The following MTSS1 variants were observed in gnomAD, a reference collection of about 807,000 sequenced individuals.
The protein encoded by MTSS1 is protein MTSS 1.
In MTSS1, 18 loss-of-function variants were observed where a neutral mutation model predicts 79.0. The ratio of observed to expected loss-of-function variants is 0.23; its 90% CI spans 0.16 to 0.34. The LOEUF (loss-of-function observed/expected upper bound fraction) is 0.34, where lower values mean the gene tolerates loss of function less well. MTSS1 is among the 10% of genes least tolerant of loss of function. The probability of loss-of-function intolerance (pLI) is 1.00; values close to 1 mark genes in which losing one functional copy is unlikely to be tolerated. For synonymous variants in MTSS1, 341 were observed against 368.6 expected (o/e 0.93, Z 0.86); for missense variants, 815 against 986.2 (o/e 0.83, Z 2.33).
At chr8:124,698,564 T>A (rs908067865) in intron 3 of MTSS1, among the ~76,000 whole-genome samples, 1 of 146,976 alleles carries the variant, frequency 6.8e-6, no homozygotes, top group Non-Finnish European at 1.5e-5. Flanking sequence ...CAGGCTGGAG[T>A]GCAGTGGCGC....
At chr8:124,708,857 ATAATT>A (rs1200262469) in intron 1 of MTSS1, among the ~76,000 whole-genome samples, 1 of 151,736 alleles carries the variant, frequency 6.6e-6, no homozygotes, top group East Asian at 1.9e-4. Flanking sequence ...TAGGCAATAT[ATAATT>A]TAATAGATTC....
intron 3 of MTSS1, among the ~76,000 whole-genome samples, chr8:124,635,537 A>T (rs1240631823): frequency 6.6e-6 from 1 of 152,090 alleles, no homozygotes; most frequent in Non-Finnish European, 1.5e-5. Flanking sequence ...TTCCTATAAG[A>T]TCTCCCATGC....
Position 124,631,395 on chromosome 8 carries a change from G to A in MTSS1, c.209-40160C>T, listed in dbSNP as rs531225009. Among the ~76,000 whole-genome samples the A allele has an allele frequency of 2.6e-5, 4 of 152,254 alleles. No individual in the cohort carries two copies. The South Asian group carries it at 6.2e-4, about 24-fold the overall frequency. On this transcript the variant is annotated intron_variant, in intron 3 of 13. Transcript: ENST00000518547. ...TCTGGACCCTAAAGAGTACGTCCAC[G>A]TGCTAGGAAAAGACGAGCGCTACAC...
chr8:124,579,051 G>A (rs185031532), intron 6 of MTSS1, among the ~76,000 whole-genome samples: 171 of 152,178 alleles, frequency 1.1e-3, no homozygotes, highest in Non-Finnish European at 2.1e-3. Flanking sequence ...AATTAAAGGG[G>A]GTTGCAGAGA....
At chr8:124,639,928 T>C (rs545139685) in intron 3 of MTSS1, among the ~76,000 whole-genome samples, 1 of 141,310 alleles carries the variant, frequency 7.1e-6, no homozygotes, top group Non-Finnish European at 1.6e-5. Context: ...TTTATGACAT[T>C]TGGCTGACAT....
At position 124,727,510 on chromosome 8, in the gene MTSS1, G is replaced by A. The variant is rs1384814168; in HGVS notation, c.72+374C>T. 3 of 465,240 alleles carry A rather than the reference G, an allele frequency of 6.4e-6. No individual in the cohort carries two copies. The highest frequency in any genetic ancestry group is 8.5e-6 in the Non-Finnish European group (2 of 233,996). The allele number at this position is 465,240 out of a possible 1,614,324, so 28.8% of individuals were successfully genotyped here. A position where few individuals can be genotyped will look rare whatever the true frequency, so the allele number is the denominator to read the frequency against. On this transcript the variant is annotated intron_variant, in intron 1 of 13. Transcript: ENST00000518547. This position sits in a 1 kb window ranked among gnomAD's most constrained non-coding sequence, Gnocchi z 4.7. ...AGGCGCCCCCACCCCGTGCCCGGAGGAATCAGGTGTCCTCCCGGGCATCCA... is the reference window on the plus strand; with the variant it reads ...AGGCGCCCCCACCCCGTGCCCGGAGAAATCAGGTGTCCTCCCGGGCATCCA...
At chr8:124,634,778 G>A (rs752642575) in intron 3 of MTSS1, among the ~76,000 whole-genome samples, 12 of 152,100 alleles carry the variant, frequency 7.9e-5, no homozygotes, top group Non-Finnish European at 1.5e-4. Flanking sequence ...ATCAGCAGCA[G>A]CAGAATCACC....
chr8:124,625,056 T>G (rs1440375972), intron 3 of MTSS1, among the ~76,000 whole-genome samples: 1 of 152,212 alleles, frequency 6.6e-6, no homozygotes. Flanking sequence ...TGCAAATCTT[T>G]TCTTTTCAGA....
chr8:124,693,323 A>C (rs1212994812), intron 3 of MTSS1, among the ~76,000 whole-genome samples: 1 of 152,154 alleles, frequency 6.6e-6, no homozygotes, highest in Non-Finnish European at 1.5e-5. Context: ...AACATACCTC[A>C]ATGGAGAGCA....
intron 8 of MTSS1, 186 bp from the exon 9 acceptor site, chr8:124,565,945 T>C: frequency 2.3e-6 from 1 of 437,742 alleles, no homozygotes; most frequent in Non-Finnish European, 4.1e-6. Flanking sequence ...ATCATAATCC[T>C]TTTACTGAGA....
chr8:124,710,771 C>T (rs1425932646), intron 1 of MTSS1, among the ~76,000 whole-genome samples: 1 of 152,292 alleles, frequency 6.6e-6, no homozygotes, highest in Admixed American at 6.5e-5. Flanking sequence ...GCCACTGGGA[C>T]AGCTGAGGGA....
intron 6 of MTSS1, among the ~76,000 whole-genome samples, chr8:124,580,964 GA>G (rs1405843597): frequency 6.6e-6 from 1 of 151,446 alleles, no homozygotes; most frequent in African/African-American, 2.4e-5. Flanking sequence ...AGGGTGGGAT[GA>G]AAATGGAAAA....
At chr8:124,700,097 C>A (rs1298119902) in intron 2 of MTSS1, among the ~76,000 whole-genome samples, 1 of 151,664 alleles carries the variant, frequency 6.6e-6, no homozygotes, top group Non-Finnish European at 1.5e-5. Context: ...CAAGATCGCA[C>A]CACTGCACTC....
At chr8:124,578,167 C>T (rs564367739) in intron 6 of MTSS1, among the ~76,000 whole-genome samples, 1 of 152,222 alleles carries the variant, frequency 6.6e-6, no homozygotes, top group African/African-American at 2.4e-5. Flanking sequence ...GGTGGGGAGA[C>T]GCGGTCCAGG....
intron 13 of MTSS1, among the ~76,000 whole-genome samples, chr8:124,554,514 G>C (rs1823158510): frequency 6.6e-6 from 1 of 152,152 alleles, no homozygotes; most frequent in Admixed American, 6.5e-5. Flanking sequence ...TTTGAATGAT[G>C]AATGGCATAG....
At chr8:124,710,600 A>T (rs1411446269) in intron 1 of MTSS1, among the ~76,000 whole-genome samples, 2 of 152,246 alleles carry the variant, frequency 1.3e-5, no homozygotes, top group Non-Finnish European at 2.9e-5. Flanking sequence ...GCCAACAGCC[A>T]TTCTGGCTTA....
chr8:124,642,005 A>G (rs1273255647), intron 3 of MTSS1, among the ~76,000 whole-genome samples: 1 of 152,194 alleles, frequency 6.6e-6, no homozygotes, highest in Non-Finnish European at 1.5e-5. Flanking sequence ...AGCTAAATCC[A>G]GCAAAAAGAT....
intron 3 of MTSS1, among the ~76,000 whole-genome samples, chr8:124,692,753 C>T (rs1388751548): frequency 6.6e-6 from 1 of 152,212 alleles, no homozygotes; most frequent in African/African-American, 2.4e-5. Flanking sequence ...CCCATCCCAA[C>T]AGCCCCTTGC....
intron 3 of MTSS1, among the ~76,000 whole-genome samples, chr8:124,666,820 G>C (rs910605624): frequency 6.6e-6 from 1 of 152,150 alleles, no homozygotes; most frequent in Non-Finnish European, 1.5e-5. Flanking sequence ...ATTAATGGGG[G>C]TCCTGGGGAG....
Sources: allele counts gnomAD v4.1 joint callset (sites outside exome capture counted in the v4.1 genomes callset), GRCh38; gene constraint gnomAD v4.1.1; non-coding constraint Gnocchi (gnomAD v3.1); transcripts MANE v1.5; gene names NCBI Gene and HGNC (gene_info 2026-07-23, HGNC 2026-07-21).